Variants in ZBTB8A observed in about 807,000 individuals in gnomAD.
ZBTB8A encodes zinc finger and BTB domain containing 8A.
In ZBTB8A, 19 loss-of-function variants were observed where a neutral mutation model predicts 37.8. The ratio of observed to expected loss-of-function variants is 0.50; its 90% confidence interval spans 0.35 to 0.74. ZBTB8A has a LOEUF of 0.74. Among genes scored for constraint, ZBTB8A ranks in the 30% least tolerant of loss-of-function variants. The pLI, the probability that ZBTB8A is intolerant of heterozygous loss-of-function variation, is 0.01. For synonymous variants in ZBTB8A, 181 were observed against 185.2 expected, an observed-to-expected ratio of 0.98 and a Z score of 0.19; for missense variants, 394 against 537.8, an observed-to-expected ratio of 0.73 and a Z score of 2.65.
intron 2 of ZBTB8A, among the ~76,000 whole-genome samples, chr1:32,573,010 T>A (rs962597228): frequency 3.3e-5 from 5 of 151,542 alleles, no homozygotes; most frequent in Non-Finnish European, 7.4e-5. Flanking sequence ...TTTTGTTCAT[T>A]TCCTTCCTTC....
At chr1:32,581,012 T>C (rs918379464) in intron 2 of ZBTB8A, among the ~76,000 whole-genome samples, 5 of 145,554 alleles carry the variant, frequency 3.4e-5, no homozygotes, top group East Asian at 4.0e-4. Context: ...TACCTCTTAA[T>C]ACTGTTACCT....
chr1:32,592,025 T>C (rs560209602), intron 2 of ZBTB8A, among the ~76,000 whole-genome samples: 14 of 152,120 alleles, frequency 9.2e-5, no homozygotes, highest in African/African-American at 2.9e-4. Flanking sequence ...GTATTTTTAG[T>C]AGAGACGGGG....
intron 1 of ZBTB8A, among the ~76,000 whole-genome samples, chr1:32,546,205 A>C (rs755155458): frequency 2.6e-5 from 4 of 152,216 alleles, no homozygotes; most frequent in Non-Finnish European, 5.9e-5. Flanking sequence ...GCACTTTGGG[A>C]GGCCAAGGCG....
In ZBTB8A at chr1:32,600,366, G is replaced by A; in HGVS notation, c.1273G>A (p.Val425Ile). Residue 425 changes from valine (V) to isoleucine (I), a missense_variant, in exon 5 of 5, where the codon GTT (valine) becomes ATT (isoleucine). Coordinates refer to ENST00000373510, the MANE Select transcript of ZBTB8A (RefSeq NM_001040441.3). ...GTCTGCTGATCTGGTCATCCAACAG[G>A]TTGATGATAGTGAAGAAGAAGAAGA... is the stretch of plus-strand genomic sequence containing the variant. ...DGSADLVIQQVDDSEEEEEKE... is the reference protein window; with the variant it reads ...DGSADLVIQQIDDSEEEEEKE... 1.9e-6 allele frequency: 3 copies of A among 1,613,886 alleles called. No homozygotes were observed. The South Asian group carries it at 3.3e-5, about 18-fold the overall frequency.
chr1:32,570,522 GTTTC>G (rs2148231961), intron 2 of ZBTB8A, among the ~76,000 whole-genome samples: 1 of 152,194 alleles, frequency 6.6e-6, no homozygotes, highest in African/African-American at 2.4e-5. Context: ...CATATTAACT[GTTTC>G]TTCTAATTCA....
intron 1 of ZBTB8A, among the ~76,000 whole-genome samples, chr1:32,548,064 T>G (rs1046421463): frequency 7.4e-6 from 1 of 135,944 alleles, no homozygotes; most frequent in Non-Finnish European, 1.5e-5. Context: ...ACCCGGGAGG[T>G]AGAGGTTGCA....
At chr1:32,580,673 C>T (rs374918148) in intron 2 of ZBTB8A, among the ~76,000 whole-genome samples, 1 of 152,162 alleles carries the variant, frequency 6.6e-6, no homozygotes, top group Non-Finnish European at 1.5e-5. Flanking sequence ...TCAGTACCCA[C>T]TTAACAACTG....
At chr1:32,588,100 T>C (rs1644462379) in intron 2 of ZBTB8A, among the ~76,000 whole-genome samples, 1 of 152,012 alleles carries the variant, frequency 6.6e-6, no homozygotes, top group Admixed American at 6.6e-5. Context: ...CTTTGTAATA[T>C]CCTTTATAAC....
At chr1:32,579,450 CAA>C (rs112657461) in intron 2 of ZBTB8A, among the ~76,000 whole-genome samples, 21 of 115,472 alleles carry the variant, frequency 1.8e-4, no homozygotes, top group Non-Finnish European at 1.9e-4. Context: ...GATTCCATCT[CAA>C]AAAAAAAAAA....
At chr1:32,546,804 C>T (rs528016598) in intron 1 of ZBTB8A, among the ~76,000 whole-genome samples, 1 of 152,310 alleles carries the variant, frequency 6.6e-6, no homozygotes, top group Admixed American at 6.5e-5. Flanking sequence ...GAGGGCATAG[C>T]GGATGCCTTA....
chr1:32,547,794 G>T (rs1644118111), intron 1 of ZBTB8A, among the ~76,000 whole-genome samples: 1 of 85,430 alleles, frequency 1.2e-5, no homozygotes, highest in Non-Finnish European at 2.2e-5. Flanking sequence ...GAGCAACAGA[G>T]AAAGATTCTG....
At chr1:32,587,442 A>G (rs1644458083) in intron 2 of ZBTB8A, among the ~76,000 whole-genome samples, 1 of 151,602 alleles carries the variant, frequency 6.6e-6, no homozygotes, top group Non-Finnish European at 1.5e-5. Context: ...GGAAAGGTAG[A>G]TTTAGGATGG....
intron 1 of ZBTB8A, among the ~76,000 whole-genome samples, chr1:32,548,062 G>T (rs1484084753): frequency 6.7e-6 from 1 of 148,490 alleles, no homozygotes; most frequent in Non-Finnish European, 1.5e-5. Flanking sequence ...GAACCCGGGA[G>T]GTAGAGGTTG....
At chr1:32,597,510 A>G (rs561755284) in intron 4 of ZBTB8A, among the ~76,000 whole-genome samples, 1 of 152,130 alleles carries the variant, frequency 6.6e-6, no homozygotes, top group Non-Finnish European at 1.5e-5. Flanking sequence ...AGAGGCCTAG[A>G]CTCACTTTGT....
chr1:32,545,977 C>T (rs895728164), intron 1 of ZBTB8A, among the ~76,000 whole-genome samples: 3 of 152,190 alleles, frequency 2.0e-5, no homozygotes, highest in African/African-American at 7.2e-5. Flanking sequence ...CTGACTCTCT[C>T]TCTCTCCTAC....
chr1:32,596,522 A>G (rs1644533021), intron 4 of ZBTB8A, among the ~76,000 whole-genome samples: 1 of 152,168 alleles, frequency 6.6e-6, no homozygotes, highest in South Asian at 2.1e-4. Flanking sequence ...TGGAGGTTAC[A>G]GTGAGCTGAG....
intron 2 of ZBTB8A, among the ~76,000 whole-genome samples, chr1:32,585,896 A>G (rs373034558): frequency 6.6e-6 from 1 of 152,092 alleles, no homozygotes; most frequent in East Asian, 1.9e-4. Context: ...CCAGCTACTC[A>G]GGAGGCTGAG....
chr1:32,590,598 C>T (rs751086124), intron 2 of ZBTB8A, among the ~76,000 whole-genome samples: 24 of 152,168 alleles, frequency 1.6e-4, no homozygotes, highest in Non-Finnish European at 3.1e-4. Flanking sequence ...TCTTGCAAGT[C>T]CAGCCACACA....
intron 1 of ZBTB8A, among the ~76,000 whole-genome samples, chr1:32,550,982 A>G (rs370953388): frequency 2.0e-5 from 3 of 151,760 alleles, no homozygotes; most frequent in African/African-American, 7.3e-5. Flanking sequence ...AAAGCCACAA[A>G]TTACCACCGT....
Sources: gnomAD v4.1 joint callset for allele counts (sites outside exome capture counted in the v4.1 genomes callset) on GRCh38, gnomAD v4.1.1 for gene constraint, MANE v1.5 for transcripts, NCBI Gene and HGNC (gene_info 2026-07-23, HGNC 2026-07-21) for gene names.